Variants in ABR observed in about 807,000 individuals in gnomAD.
The protein encoded by ABR is active breakpoint cluster region-related protein.
Under a neutral mutation model 107.2 loss-of-function variants are expected in ABR, and 35 were observed. That is an observed-to-expected ratio of 0.33 (90% CI 0.25 to 0.43). The LOEUF is 0.43. ABR is among the 20% of genes least tolerant of loss of function. The pLI, the probability that ABR is intolerant of heterozygous loss-of-function variation, is 1.00. For missense variants in ABR, 815 were observed against 1,115.2 expected (o/e 0.73, Z 3.83); for synonymous variants, 498 against 462.0 (o/e 1.08, Z -1.00).
Position 1,105,351 on chromosome 17 carries a change from G to A in ABR, c.247-4616C>T, listed in dbSNP as rs142805623. Among the ~76,000 whole-genome samples the A allele has an allele frequency of 4.2e-4, 64 of 152,072 alleles. No individual in the cohort carries two copies. In the East Asian group the frequency reaches 0.011, roughly 26 times the overall value. On this transcript the variant is annotated intron_variant, in intron 2 of 22. Transcript: ENST00000302538. Reference sequence around the variant, plus strand: ...TCTTACCCTACACGTATTTGAAATCGTAAGAAAAATGTACAGGTCATATTT... The same window carrying A: ...TCTTACCCTACACGTATTTGAAATCATAAGAAAAATGTACAGGTCATATTT...
chr17:1,021,338 C>T (rs925775709), intron 16 of ABR, among the ~76,000 whole-genome samples: 25 of 152,212 alleles, frequency 1.6e-4, no homozygotes, highest in Non-Finnish European at 2.9e-4. Context: ...TCACTCCCAC[C>T]GCCCAGGAGC....
rs370800607 is a variant in ABR, at chr17:1,072,646, G to A, written c.862C>T (p.Arg288Cys). ...TTGGGCGTTGTCACTGCAGTCCGGC[G>A]GGGGTCGATGTCCTCGTTGATGCTG... ...LSSINEDIDP[R>C]RTAVTTPKGE... Residue 288 changes from arginine to cysteine, a missense_variant, in exon 8 of 23, where the codon CGC becomes TGC. Arg to Cys is a radical substitution (Grantham distance 180). This residue lies in a region of ABR where 385 missense variants were observed against 596.9 expected (regional missense o/e 0.64). Coordinates refer to ENST00000302538, the MANE Select transcript of ABR (RefSeq NM_021962.5). 1.9e-5 allele frequency: 30 copies of A among 1,611,666 alleles called. No homozygotes were observed. The highest frequency in any genetic ancestry group is 2.5e-5 in the Non-Finnish European group (30 of 1,179,072).
intron 2 of ABR, chr17:1,109,091 C>T (rs1459590972): frequency 1.3e-6 from 2 of 1,587,990 alleles, no homozygotes; most frequent in African/African-American, 1.4e-5. Context: ...CCGCGGAGGG[C>T]AGACAGGAAG....
intron 2 of ABR, among the ~76,000 whole-genome samples, chr17:1,122,165 A>T (rs1023762678): frequency 6.6e-6 from 1 of 152,196 alleles, no homozygotes; most frequent in African/African-American, 2.4e-5. Flanking sequence ...AGTCTCCCAG[A>T]GTGCTGGGAT....
intron 16 of ABR, among the ~76,000 whole-genome samples, chr17:1,046,243 A>C (rs999434764): frequency 7.5e-6 from 1 of 133,304 alleles, no homozygotes; most frequent in Non-Finnish European, 1.8e-5. Context: ...CGACCTCCTA[A>C]TCCGCCCGCC....
At position 1,179,769 on chromosome 17, in the gene ABR, T is replaced by C. The variant is rs1338397260; in HGVS notation, c.-42A>G. ...GGTCAGATCCGAAACCCGACCCTCA[T>C]CGCGCAACAAAGGAGGGAGAGCGGG... On this transcript the variant is annotated 5_prime_UTR_variant, in exon 1 of 23. An upstream start codon of the reference 5' UTR is lost. Coordinates refer to ENST00000302538, the MANE Select transcript of ABR (RefSeq NM_021962.5). This position sits in a 1 kb window ranked among gnomAD's most constrained non-coding sequence, Gnocchi z 4.9. 1.6e-5 allele frequency: 8 copies of C among 499,172 alleles called. No individual in the cohort carries two copies. Among genetic ancestry groups the C allele is most frequent in the Non-Finnish European group, 2.1e-5 (6 of 287,048 alleles). The allele number at this position is 499,172 out of a possible 1,614,324, so 30.9% of individuals were successfully genotyped here. A position where few individuals can be genotyped will look rare whatever the true frequency, so the allele number is the denominator to read the frequency against.
At chr17:1,193,353 C>T (rs1234750281) in intron 1 of ABR, among the ~76,000 whole-genome samples, 2 of 152,132 alleles carry the variant, frequency 1.3e-5, no homozygotes, top group South Asian at 2.1e-4. Context: ...CGACGTGTCC[C>T]GAGCATCGCC....
chr17:1,036,147 C>G (rs2073164920), intron 16 of ABR, among the ~76,000 whole-genome samples: 1 of 152,214 alleles, frequency 6.6e-6, no homozygotes, highest in South Asian at 2.1e-4. Flanking sequence ...CTCCTCTCCC[C>G]CAGCCCACAC....
At chr17:1,113,502 G>A (rs1424917617) in intron 2 of ABR, among the ~76,000 whole-genome samples, 2 of 151,940 alleles carry the variant, frequency 1.3e-5, no homozygotes, top group Non-Finnish European at 2.9e-5. Context: ...GGCCAGGCTG[G>A]TCTCGAACCC....
At chr17:1,220,237 A>G (rs1018890961) in intron 1 of ABR, among the ~76,000 whole-genome samples, 3 of 151,446 alleles carry the variant, frequency 2.0e-5, no homozygotes, top group Non-Finnish European at 4.4e-5. Flanking sequence ...CTTGCAGTGA[A>G]CCAAGATCAC....
intron 10 of ABR, among the ~76,000 whole-genome samples, chr17:1,060,133 A>G (rs1427108259): frequency 6.6e-6 from 1 of 152,208 alleles, no homozygotes; most frequent in Non-Finnish European, 1.5e-5. Context: ...TGATACTGCC[A>G]GGCGCGGTGG....
intron 14 of ABR, 24 bp downstream of exon 14, chr17:1,056,011 C>T (rs199616209): frequency 1.9e-6 from 3 of 1,610,006 alleles, no homozygotes; most frequent in Non-Finnish European, 2.6e-6. Context: ...GCCCACCCAA[C>T]CTCGTCCTGG....
chr17:1,118,288 G>A (rs71357159), intron 2 of ABR, among the ~76,000 whole-genome samples: 5 of 55,080 alleles, frequency 9.1e-5, no homozygotes, highest in African/African-American at 3.8e-4. Context: ...CCTCCCCAGC[G>A]TTATCCCTGA....
Position 1,070,885 on chromosome 17 carries a change from G to A in ABR, c.895-795C>T, listed in dbSNP as rs112767665. On this transcript the variant is annotated intron_variant, in intron 8 of 22. Coordinates refer to ENST00000302538, the MANE Select transcript of ABR (RefSeq NM_021962.5). This position sits in a 1 kb window ranked among gnomAD's most constrained non-coding sequence, Gnocchi z 4.2. ...GTATACAATTAAGATGACCGAGGCCGGGCGCAGTGGTTCACACCTGTCATC... is the reference window on the plus strand; with the variant it reads ...GTATACAATTAAGATGACCGAGGCCAGGCGCAGTGGTTCACACCTGTCATC... 7.3e-3 allele frequency among the ~76,000 whole-genome samples: 1,107 copies of A among 152,296 alleles called. 13 individuals are homozygous for A. Among genetic ancestry groups the A allele is most frequent in the African/African-American group, 0.025 (1,028 of 41,560 alleles).
At chr17:1,012,133 G>A (rs1458692006) in intron 18 of ABR, 148 bp from the exon 19 acceptor site, 9 of 1,273,038 alleles carry the variant, frequency 7.1e-6, no homozygotes, top group African/African-American at 2.9e-5. Context: ...AGAGAAAGAG[G>A]CCACCGCACC....
At chr17:1,105,530 T>C (rs546700602) in intron 2 of ABR, among the ~76,000 whole-genome samples, 1 of 152,262 alleles carries the variant, frequency 6.6e-6, no homozygotes, top group Admixed American at 6.5e-5. Flanking sequence ...ACAAGAGACC[T>C]GGGCAGGTGA....
intron 10 of ABR, among the ~76,000 whole-genome samples, chr17:1,062,008 G>A (rs1042485067): frequency 2.0e-5 from 3 of 152,214 alleles, no homozygotes; most frequent in Admixed American, 1.3e-4. Context: ...AAAGCCACAG[G>A]ATCTGGGGAC....
intron 10 of ABR, 141 bp downstream of exon 10, chr17:1,066,936 A>T: frequency 1.3e-6 from 1 of 787,844 alleles, no homozygotes; most frequent in Non-Finnish European, 2.0e-6. Context: ...GCTTGGAGCT[A>T]CTGTAGTCGG....
intron 16 of ABR, among the ~76,000 whole-genome samples, chr17:1,018,912 T>C (rs906711874): frequency 6.6e-6 from 1 of 151,898 alleles, no homozygotes; most frequent in Non-Finnish European, 1.5e-5. Flanking sequence ...TTAACGAGAG[T>C]GAGGAATTTA....
Sources: allele counts gnomAD v4.1 joint callset (sites outside exome capture counted in the v4.1 genomes callset), GRCh38; gene constraint gnomAD v4.1.1; regional missense constraint gnomAD v4.1.1; non-coding constraint Gnocchi (gnomAD v3.1); transcripts MANE v1.5; gene names NCBI Gene and HGNC (gene_info 2026-07-23, HGNC 2026-07-21).